Variants in GALNT13 observed in about 807,000 individuals in gnomAD.
The protein encoded by GALNT13 is UDP-GalNAc:polypeptide N-acetylgalactosaminyltransferase 13.
GALNT13 carries 28 observed loss-of-function variants against 64.2 expected under a neutral mutation model. The observed-to-expected ratio is 0.44, with a 90% CI of 0.32 to 0.60. The LOEUF is 0.60. Ranked by LOEUF, GALNT13 falls within the 20% of genes least tolerant of loss-of-function variation. The probability of loss-of-function intolerance (pLI) is 0.05; values close to 1 mark genes in which losing one functional copy is unlikely to be tolerated. For synonymous variants in GALNT13, 214 were observed against 224.6 expected (o/e 0.95, Z 0.42); for missense variants, 577 against 669.8 (o/e 0.86, Z 1.53).
chr2:154,192,802 C>T (rs1183005435), intron 4 of GALNT13, among the ~76,000 whole-genome samples: 1 of 152,136 alleles, frequency 6.6e-6, no homozygotes, highest in Non-Finnish European at 1.5e-5. Flanking sequence ...TTGTGATTTA[C>T]TTAAGGCTTA....
chr2:153,635,844 G>GT, the GALNT13 span, among the ~76,000 whole-genome samples: 84 of 151,164 alleles, frequency 5.6e-4, no homozygotes, highest in African/African-American at 1.2e-3. Context: ...CTAGTATCAT[G>GT]TTTTTTTTTG....
the GALNT13 span, among the ~76,000 whole-genome samples, chr2:153,806,917 G>GA: frequency 0.43 from 65,488 of 151,330 alleles, 15,078 homozygotes; most frequent in Admixed American, 0.58. Context: ...ACACTTTGGT[G>GA]AAAAAAAATT....
At chr2:154,226,505 A>G (rs1215964803) in intron 4 of GALNT13, among the ~76,000 whole-genome samples, 1 of 152,192 alleles carries the variant, frequency 6.6e-6, no homozygotes, top group African/African-American at 2.4e-5. Flanking sequence ...AAAGAGAAAA[A>G]ACAATGTATT....
At chr2:153,231,708 G>T in the GALNT13 span, among the ~76,000 whole-genome samples, 3 of 151,940 alleles carry the variant, frequency 2.0e-5, no homozygotes, top group African/African-American at 4.8e-5. Flanking sequence ...CCACAGAGCT[G>T]GTTCATAATT....
intron 2 of GALNT13, among the ~76,000 whole-genome samples, chr2:153,913,674 T>C (rs1689137904): frequency 6.6e-6 from 1 of 152,298 alleles, no homozygotes; most frequent in Middle Eastern, 3.4e-3. Flanking sequence ...AGCAGCTTGC[T>C]CCTTGTGTGT....
At chr2:154,240,308 T>C (rs1356220934) in intron 4 of GALNT13, among the ~76,000 whole-genome samples, 1 of 152,218 alleles carries the variant, frequency 6.6e-6, no homozygotes, top group Non-Finnish European at 1.5e-5. Context: ...TTTGGATTTA[T>C]AAGCAAAGTC....
chr2:154,135,694 G>A (rs1414179149), intron 3 of GALNT13, among the ~76,000 whole-genome samples: 3 of 152,084 alleles, frequency 2.0e-5, no homozygotes, highest in African/African-American at 7.2e-5. Context: ...ACGTGTGATG[G>A]TGGGTTCTTG....
chr2:154,110,547 T>A (rs1331072243), intron 3 of GALNT13, among the ~76,000 whole-genome samples: 1 of 151,422 alleles, frequency 6.6e-6, no homozygotes, highest in African/African-American at 2.4e-5. Context: ...GCAGAAAGCA[T>A]CGAGCACAGG....
At chr2:153,772,857 G>C in the GALNT13 span, among the ~76,000 whole-genome samples, 2 of 152,174 alleles carry the variant, frequency 1.3e-5, no homozygotes, top group African/African-American at 4.8e-5. Flanking sequence ...ACAACCCTGG[G>C]CAGGCAGGGC....
chr2:153,419,122 A>G, the GALNT13 span, among the ~76,000 whole-genome samples: 1 of 152,214 alleles, frequency 6.6e-6, no homozygotes, highest in Admixed American at 6.5e-5. Context: ...TAATTGACTC[A>G]CAGTTCCTCA....
At chr2:154,297,565 A>C (rs1258968025) in intron 8 of GALNT13, among the ~76,000 whole-genome samples, 1 of 152,220 alleles carries the variant, frequency 6.6e-6, no homozygotes, top group Non-Finnish European at 1.5e-5. Context: ...CACCCTTATG[A>C]GGAACTGACC....
At chr2:153,745,594 C>G in the GALNT13 span, among the ~76,000 whole-genome samples, 1 of 152,044 alleles carries the variant, frequency 6.6e-6, no homozygotes, top group African/African-American at 2.4e-5. Context: ...TTGATTGAGC[C>G]TGAAATTCTA....
the GALNT13 span, among the ~76,000 whole-genome samples, chr2:153,295,048 A>G: frequency 2.8e-4 from 42 of 152,244 alleles, no homozygotes; most frequent in Middle Eastern, 3.4e-3. Flanking sequence ...TCAACTTTAA[A>G]TAGACACAGG....
Position 154,211,629 on chromosome 2 carries a change from CAAAAAAAAAAAAAAA to C in GALNT13, c.312-30389_312-30375del, listed in dbSNP as rs140095331. 4.2e-4 allele frequency among the ~76,000 whole-genome samples: 16 copies of C among 37,934 alleles called. No homozygotes were observed. In the Admixed American group the frequency reaches 4.8e-3, roughly 11 times the overall value. The allele number at this position is 37,934 out of a possible 152,430, so 24.9% of individuals were successfully genotyped here. A position where few individuals can be genotyped will look rare whatever the true frequency, so the allele number is the denominator to read the frequency against. On this transcript the variant is annotated intron_variant, in intron 4 of 12. Coordinates refer to ENST00000392825, the MANE Select transcript of GALNT13 (RefSeq NM_052917.4). ...GGCAACAAGAGCGAAACTCCATCTC[CAAAAAAAAAAAAAAA>C]AAAAAAAAAAAGAAAAGAAAAGAAA...
At chr2:153,286,806 G>A in the GALNT13 span, among the ~76,000 whole-genome samples, 1 of 152,118 alleles carries the variant, frequency 6.6e-6, no homozygotes. Flanking sequence ...AAATGTTTAT[G>A]TGAATTTATA....
the GALNT13 span, among the ~76,000 whole-genome samples, chr2:153,692,816 C>T: frequency 6.6e-6 from 1 of 152,070 alleles, no homozygotes; most frequent in Non-Finnish European, 1.5e-5. Flanking sequence ...TGAAAATGAA[C>T]AGGTTTCCTG....
At chr2:153,538,367 ATTTATTTTAT>A in the GALNT13 span, among the ~76,000 whole-genome samples, 1,870 of 93,952 alleles carry the variant, frequency 0.02, 43 homozygotes, top group African/African-American at 0.068. Flanking sequence ...TTTTTATTTT[ATTTATTTTAT>A]TTTATTTTAT....
At chr2:154,037,747 C>G (rs2882018) in intron 3 of GALNT13, among the ~76,000 whole-genome samples, 6 of 152,028 alleles carry the variant, frequency 3.9e-5, no homozygotes, top group African/African-American at 9.7e-5. Context: ...AGAAAGTAAT[C>G]TTTTTTATAA....
the GALNT13 span, among the ~76,000 whole-genome samples, chr2:153,639,036 ATTGTTTTGTTTTGTTTTGTTTTGTT>A: frequency 0.035 from 5,144 of 148,802 alleles, 287 homozygotes; most frequent in African/African-American, 0.12. Context: ...TAGTTGGAGA[ATTGTTTTGTTTTGTTTTGTTTTGTT>A]TTGTTTTGTT....
Sources: gnomAD v4.1 joint callset for allele counts (sites outside exome capture counted in the v4.1 genomes callset) on GRCh38, gnomAD v4.1.1 for gene constraint, MANE v1.5 for transcripts, NCBI Gene and HGNC (gene_info 2026-07-23, HGNC 2026-07-21) for gene names.